The following DPP6 variants were observed in gnomAD, a reference collection of about 807,000 sequenced individuals.
DPP6 encodes dipeptidyl peptidase like 6.
Under a neutral mutation model 122.6 loss-of-function variants are expected in DPP6, and 69 were observed. The observed-to-expected ratio is 0.56, with a 90% CI of 0.46 to 0.69. The LOEUF (loss-of-function observed/expected upper bound fraction) is 0.69. Ranked by LOEUF, DPP6 falls within the 30% of genes least tolerant of loss-of-function variation. The pLI, the probability that DPP6 is intolerant of heterozygous loss-of-function variation, is 0.00. For missense variants in DPP6, 928 were observed against 1,116.9 expected (o/e 0.83, Z 2.41); for synonymous variants, 418 against 433.1 (o/e 0.97, Z 0.43).
intron 8 of DPP6, among the ~76,000 whole-genome samples, chr7:154,767,568 C>T (rs1226967057): frequency 6.6e-6 from 1 of 152,174 alleles, no homozygotes; most frequent in East Asian, 1.9e-4. Context: ...CTTCTCCTCA[C>T]TGACCTCCAC....
the DPP6 span, among the ~76,000 whole-genome samples, chr7:153,850,981 T>C: frequency 6.6e-6 from 1 of 152,356 alleles, no homozygotes; most frequent in Admixed American, 6.5e-5. Flanking sequence ...ACATTTCTTA[T>C]ATCCTTTTTA....
rs570347783 is a variant in DPP6 at position 154,343,734 on chromosome 7, C to T, written c.244-102480C>T. Among the ~76,000 whole-genome samples the T allele has an allele frequency of 2.6e-5, 4 of 152,308 alleles. No homozygotes were observed. The South Asian group carries it at 8.3e-4, about 32-fold the overall frequency. On this transcript the variant is annotated intron_variant, in intron 1 of 25. Transcript: ENST00000377770. ...CAGGTGGGATTACAGGCGTGTGCCACCATGCCTAGCTAATTTTTGTATTAT... is the reference window on the plus strand; with the variant it reads ...CAGGTGGGATTACAGGCGTGTGCCATCATGCCTAGCTAATTTTTGTATTAT...
intron 18 of DPP6, among the ~76,000 whole-genome samples, chr7:154,868,931 A>T (rs61234663): frequency 0.084 from 12,783 of 152,222 alleles, 1,751 homozygotes; most frequent in African/African-American, 0.28. Flanking sequence ...AATAACTGAG[A>T]CTTCAAACCT....
In DPP6 at chr7:154,660,345, A is replaced by G. The variant is rs1330183530; in HGVS notation, c.681-9015A>G. On this transcript the variant is annotated intron_variant, in intron 6 of 25. Coordinates refer to ENST00000377770, the MANE Select transcript of DPP6 (RefSeq NM_130797.4). ...GTTCACGCAGTCATGGTGAATCACC[A>G]TGGCGTATTGGCCGTAGTGTTCATA... Among the ~76,000 whole-genome samples the G allele has an allele frequency of 6.1e-5, 9 of 148,544 alleles. 1 individual carries two copies. The highest frequency in any genetic ancestry group is 1.0e-4 in the African/African-American group (4 of 38,890).
At chr7:154,587,596 A>G in intron 5 of DPP6, 1 of 1,502,578 alleles carries the variant, frequency 6.7e-7, no homozygotes, top group Non-Finnish European at 8.9e-7. Context: ...TCCTGGGACC[A>G]TAGAAATGGA....
At chr7:154,762,908 A>G (rs1795649198) in intron 8 of DPP6, among the ~76,000 whole-genome samples, 1 of 152,250 alleles carries the variant, frequency 6.6e-6, no homozygotes, top group South Asian at 2.1e-4. Context: ...GTGCAATGAA[A>G]CAGCAAGTAC....
rs182474633 is a variant in DPP6, at chr7:154,678,910, G to A, written c.762+9469G>A. Among the ~76,000 whole-genome samples the A allele has an allele frequency of 1.2e-4, 18 of 152,288 alleles. No individual in the cohort carries two copies. In the East Asian group the frequency reaches 3.5e-3, roughly 29 times the overall value. On this transcript the variant is annotated intron_variant, in intron 7 of 25. Coordinates refer to ENST00000377770, the MANE Select transcript of DPP6 (RefSeq NM_130797.4). ...TGGTGGAGAGTAAAATAATCTACTC[G>A]AAGTACAGGCTGTGGAGCCTTGTGT...
chr7:153,791,424 C>CTT, the DPP6 span, among the ~76,000 whole-genome samples: 2 of 91,630 alleles, frequency 2.2e-5, no homozygotes, highest in African/African-American at 4.2e-5. Flanking sequence ...TCCTTCCTTT[C>CTT]TTTTTTTTTT....
At chr7:154,585,981 A>T (rs908009741) in intron 5 of DPP6, among the ~76,000 whole-genome samples, 5 of 152,118 alleles carry the variant, frequency 3.3e-5, no homozygotes, top group African/African-American at 1.2e-4. Flanking sequence ...CTCCAGATGA[A>T]AGAACCCCCT....
At chr7:154,509,420 C>G (rs1314807478) in intron 3 of DPP6, among the ~76,000 whole-genome samples, 1 of 152,042 alleles carries the variant, frequency 6.6e-6, no homozygotes, top group Non-Finnish European at 1.5e-5. Context: ...AAATCAAAAG[C>G]ACAATGAGAC....
chr7:154,363,999 T>C (rs6947244), intron 1 of DPP6, among the ~76,000 whole-genome samples: 35,738 of 152,076 alleles, frequency 0.24, 8,345 homozygotes, highest in African/African-American at 0.61. Context: ...GTCAGGGCGG[T>C]GGGGAGTGTG....
At chr7:154,250,915 A>G (rs1802310383) in intron 1 of DPP6, among the ~76,000 whole-genome samples, 1 of 152,198 alleles carries the variant, frequency 6.6e-6, no homozygotes, top group Non-Finnish European at 1.5e-5. Flanking sequence ...AGGAGTATTG[A>G]GAAGCAATGT....
Position 154,369,790 on chromosome 7 carries a change from C to G in DPP6, c.244-76424C>G, listed in dbSNP as rs530058007. ...GCCCAGCTCTGAGCTGCCACATGTC[C>G]CCTGCCTTTCAAAGAATCCACCTTC... is the stretch of plus-strand genomic sequence containing the variant. On this transcript the variant is annotated intron_variant, in intron 1 of 25. Coordinates refer to ENST00000377770, the MANE Select transcript of DPP6 (RefSeq NM_130797.4). 6.6e-5 allele frequency among the ~76,000 whole-genome samples: 10 copies of G among 152,296 alleles called. No individual in the cohort carries two copies. In the East Asian group the frequency reaches 1.7e-3, roughly 26 times the overall value.
chr7:154,146,608 G>A (rs1341634561), intron 1 of DPP6, among the ~76,000 whole-genome samples: 2 of 152,378 alleles, frequency 1.3e-5, no homozygotes, highest in East Asian at 3.9e-4. Flanking sequence ...GCAATTGTCT[G>A]GCTCAGACTC....
intron 2 of DPP6, among the ~76,000 whole-genome samples, chr7:154,462,486 T>C (rs973799972): frequency 6.6e-6 from 1 of 152,170 alleles, no homozygotes; most frequent in African/African-American, 2.4e-5. Flanking sequence ...ATTCTTATAA[T>C]CCATTAACAT....
chr7:154,684,601 G>A (rs960232632), intron 7 of DPP6, among the ~76,000 whole-genome samples: 2 of 152,106 alleles, frequency 1.3e-5, no homozygotes, highest in Admixed American at 1.3e-4. Flanking sequence ...ACACCCTGTG[G>A]CATCCTCCTT....
At chr7:154,398,645 T>C (rs10488314) in intron 1 of DPP6, among the ~76,000 whole-genome samples, 11,250 of 152,224 alleles carry the variant, frequency 0.074, 462 homozygotes, top group East Asian at 0.12. Context: ...TTATGCTGTT[T>C]TCATTTTGCA....
intron 1 of DPP6, among the ~76,000 whole-genome samples, chr7:154,419,238 C>T (rs1242043483): frequency 1.3e-5 from 2 of 152,154 alleles, no homozygotes; most frequent in East Asian, 3.9e-4. Flanking sequence ...GGAAGGTTAC[C>T]TTCTTAAAAT....
At chr7:154,330,547 G>A (rs1808834016) in intron 1 of DPP6, among the ~76,000 whole-genome samples, 2 of 152,196 alleles carry the variant, frequency 1.3e-5, no homozygotes, top group African/African-American at 4.8e-5. Context: ...AAGAGCAGAT[G>A]TTCCTGTCTT....
Sources: gnomAD v4.1 joint callset for allele counts (sites outside exome capture counted in the v4.1 genomes callset) on GRCh38, gnomAD v4.1.1 for gene constraint, MANE v1.5 for transcripts, NCBI Gene and HGNC (gene_info 2026-07-23, HGNC 2026-07-21) for gene names.